The following CTNNA2 variants were observed in gnomAD, a reference collection of about 807,000 sequenced individuals.
CTNNA2 encodes the protein catenin alpha-2.
A neutral mutation model predicts 101.0 loss-of-function variants in CTNNA2; 42 were observed. The ratio of observed to expected loss-of-function variants is 0.42; its 90% CI spans 0.32 to 0.54. The LOEUF (loss-of-function observed/expected upper bound fraction) is 0.54. Ranked by LOEUF, CTNNA2 falls within the 20% of genes least tolerant of loss-of-function variation. The pLI, the probability that CTNNA2 is intolerant of heterozygous loss-of-function variation, is 0.14. For missense variants in CTNNA2, 871 were observed against 1,223.1 expected, an observed-to-expected ratio of 0.71 and a Z score of 4.29; for synonymous variants, 450 against 456.4, an observed-to-expected ratio of 0.99 and a Z score of 0.18.
chr2:80,145,183 A>G (rs1703258169), intron 7 of CTNNA2, among the ~76,000 whole-genome samples: 1 of 152,210 alleles, frequency 6.6e-6, no homozygotes, highest in Admixed American at 6.5e-5. Context: ...TTTGAAATAA[A>G]TGATCTATAT....
In CTNNA2 at chr2:79,366,898, T is replaced by G. The variant is rs1677762592; in HGVS notation, c.-317-6933T>G. 4.6e-5 allele frequency among the ~76,000 whole-genome samples: 7 copies of G among 152,202 alleles called. No homozygotes were observed. The South Asian group carries it at 1.4e-3, about 31-fold the overall frequency. On this transcript the variant is annotated intron_variant, in intron 3 of 21. Coordinates refer to the CTNNA2 transcript ENST00000466387. ...GGTGAGTGGAAAGTGCTATTTAATA[T>G]AAAGGGTGGTATGGGACGGTCTCAC...
At chr2:79,448,733 C>G (rs564064369) in intron 4 of CTNNA2, among the ~76,000 whole-genome samples, 1 of 152,132 alleles carries the variant, frequency 6.6e-6, no homozygotes, top group East Asian at 1.9e-4. Context: ...CTTTAGTTCT[C>G]GTGACAGGTC....
chr2:80,106,189 C>T (rs183852761), intron 7 of CTNNA2, among the ~76,000 whole-genome samples: 35 of 152,214 alleles, frequency 2.3e-4, no homozygotes, highest in African/African-American at 7.7e-4. Context: ...CCTCTACACA[C>T]GTCAAATGTA....
intron 1 of CTNNA2, among the ~76,000 whole-genome samples, chr2:79,627,477 C>G (rs1326740584): frequency 6.6e-6 from 1 of 152,178 alleles, no homozygotes; most frequent in Non-Finnish European, 1.5e-5. Context: ...ATTTCCTGTC[C>G]TGCGTGACAG....
chr2:79,483,530 C>T (rs1671129686), intron 4 of CTNNA2, among the ~76,000 whole-genome samples: 1 of 152,044 alleles, frequency 6.6e-6, no homozygotes, highest in South Asian at 2.1e-4. Flanking sequence ...ATCCAGTTCC[C>T]CATGGGCTGG....
At chr2:80,052,489 T>C (rs1242940766) in intron 7 of CTNNA2, among the ~76,000 whole-genome samples, 3 of 152,250 alleles carry the variant, frequency 2.0e-5, no homozygotes, top group Non-Finnish European at 4.4e-5. Flanking sequence ...TTGCTGCTGA[T>C]TTATCAATTT....
At chr2:80,518,235 T>C (rs1419343005) in intron 9 of CTNNA2, among the ~76,000 whole-genome samples, 1 of 152,242 alleles carries the variant, frequency 6.6e-6, no homozygotes, top group Non-Finnish European at 1.5e-5. Context: ...CAGAGTGAGC[T>C]GATGATCTCT....
At chr2:80,328,432 A>G in intron 7 of CTNNA2, 2 of 469,816 alleles carry the variant, frequency 4.3e-6, no homozygotes, top group South Asian at 1.6e-5. Flanking sequence ...TGAGGGACCT[A>G]CTGAGAGGAA....
intron 18 of CTNNA2, among the ~76,000 whole-genome samples, chr2:80,619,584 T>C (rs1462867296): frequency 6.6e-6 from 1 of 151,954 alleles, no homozygotes; most frequent in South Asian, 2.1e-4. Flanking sequence ...TCTTCTTTGT[T>C]TGGAAGATTT....
intron 3 of CTNNA2, among the ~76,000 whole-genome samples, chr2:79,332,112 G>A (rs757314421): frequency 6.6e-6 from 1 of 152,068 alleles, no homozygotes; most frequent in Non-Finnish European, 1.5e-5. Context: ...ACAGTGAGGG[G>A]CAGCTGCCTA....
intron 17 of CTNNA2, among the ~76,000 whole-genome samples, chr2:80,613,839 G>C (rs1698646932): frequency 6.6e-6 from 1 of 151,452 alleles, no homozygotes; most frequent in African/African-American, 2.4e-5. Flanking sequence ...CTACTACTCT[G>C]TGGATGGATT....
At chr2:79,687,856 G>T in intron 2 of CTNNA2, 1 of 381,908 alleles carries the variant, frequency 2.6e-6, no homozygotes, top group East Asian at 5.2e-5. Context: ...TTATTTGAAG[G>T]ATGAATGTCC....
chr2:80,417,771 G>A (rs895405781), intron 8 of CTNNA2, among the ~76,000 whole-genome samples: 1 of 151,956 alleles, frequency 6.6e-6, no homozygotes, highest in Non-Finnish European at 1.5e-5. Context: ...TGCTTTCAGT[G>A]TGCCTAGGGA....
At chr2:79,684,213 A>G (rs1683778333) in intron 2 of CTNNA2, among the ~76,000 whole-genome samples, 1 of 152,222 alleles carries the variant, frequency 6.6e-6, no homozygotes, top group Admixed American at 6.5e-5. Context: ...ACACTTCAAT[A>G]TATGTAACCA....
At chr2:80,428,708 C>T in intron 9 of CTNNA2, among the ~76,000 whole-genome samples, 1 of 152,108 alleles carries the variant, frequency 6.6e-6, no homozygotes, top group Non-Finnish European at 1.5e-5. Context: ...TTGTATGTTC[C>T]AGGGCCTTGT....
At chr2:79,275,393 AG>A (rs1342268763) in intron 2 of CTNNA2, among the ~76,000 whole-genome samples, 1 of 151,890 alleles carries the variant, frequency 6.6e-6, no homozygotes, top group Non-Finnish European at 1.5e-5. Flanking sequence ...TTTCCTCACT[AG>A]GGCCCCCTAG....
chr2:80,216,126 G>A (rs1228118271), intron 7 of CTNNA2, among the ~76,000 whole-genome samples: 1 of 152,180 alleles, frequency 6.6e-6, no homozygotes, highest in African/African-American at 2.4e-5. Context: ...CAGTATTAGG[G>A]TGGGAGTATA....
At chr2:79,468,494 C>T (rs377141997) in intron 4 of CTNNA2, among the ~76,000 whole-genome samples, 1 of 152,098 alleles carries the variant, frequency 6.6e-6, no homozygotes, top group East Asian at 1.9e-4. Flanking sequence ...AACAAGGATA[C>T]CCAGGAATTG....
intron 7 of CTNNA2, among the ~76,000 whole-genome samples, chr2:80,248,897 C>G (rs1671545061): frequency 6.6e-6 from 1 of 152,128 alleles, no homozygotes; most frequent in African/African-American, 2.4e-5. Flanking sequence ...ACTACCATTG[C>G]TACTGATGAG....
Sources: allele counts gnomAD v4.1 joint callset (sites outside exome capture counted in the v4.1 genomes callset), GRCh38; gene constraint gnomAD v4.1.1; transcripts MANE v1.5; gene names NCBI Gene and HGNC (gene_info 2026-07-23, HGNC 2026-07-21).